Variants in CAMKK1 observed in about 807,000 individuals in gnomAD.
The protein encoded by CAMKK1 is calcium/calmodulin-dependent protein kinase kinase 1.
CAMKK1 carries 20 observed loss-of-function variants against 63.5 expected under a neutral mutation model. The observed-to-expected ratio is 0.32, with a 90% confidence interval of 0.22 to 0.46. The LOEUF is 0.46. Ranked by LOEUF, CAMKK1 falls within the 20% of genes least tolerant of loss-of-function variation. CAMKK1 has a pLI of 1.00. For missense variants in CAMKK1, 588 were observed against 658.1 expected (o/e 0.89, Z 1.17); for synonymous variants, 253 against 269.0 (o/e 0.94, Z 0.58).
rs111549157 is a variant in CAMKK1 at position 3,889,731 on chromosome 17, T to C, written c.-44+3208A>G. 0.013 allele frequency among the ~76,000 whole-genome samples: 2,032 copies of C among 152,148 alleles called. 42 individuals carry two copies. The highest frequency in any genetic ancestry group is 0.046 in the African/African-American group (1,927 of 41,482). On this transcript the variant is annotated intron_variant, in intron 1 of 15. Transcript: ENST00000348335. This position sits in a 1 kb window ranked among gnomAD's most constrained non-coding sequence, Gnocchi z 5.2. ...TGGCACATATCCCCCACCCAGGTTT[T>C]TCCTCCCAGGCTGTGCCCCACCCCC...
In CAMKK1 at chr17:3,889,837, C is replaced by A. The variant is rs1010310214; in HGVS notation, c.-44+3102G>T. Among the ~76,000 whole-genome samples the A allele has an allele frequency of 1.3e-5, 2 of 152,342 alleles. No individual in the cohort carries two copies. Among genetic ancestry groups the A allele is most frequent in the African/African-American group, 4.8e-5 (2 of 41,570 alleles). ...GCCTGGCTTCTTCCACAGGACATGCCCCATCCAGCTGCATCCCTCAAAGGA... is the reference window on the plus strand; with the variant it reads ...GCCTGGCTTCTTCCACAGGACATGCACCATCCAGCTGCATCCCTCAAAGGA... On this transcript the variant is annotated intron_variant, in intron 1 of 15. Coordinates refer to ENST00000348335, the MANE Select transcript of CAMKK1 (RefSeq NM_032294.3). This position sits in a 1 kb window ranked among gnomAD's most constrained non-coding sequence, Gnocchi z 5.2.
intron 14 of CAMKK1, among the ~76,000 whole-genome samples, chr17:3,867,151 G>A (rs2054561215): frequency 1.3e-5 from 2 of 152,302 alleles, no homozygotes; most frequent in South Asian, 4.1e-4. Flanking sequence ...TGAAGCAGGG[G>A]AGGCTGAAGC....
Position 3,860,909 on chromosome 17 carries a change from C to T in CAMKK1, c.*1302G>A, listed in dbSNP as rs570348539. 1 of 152,382 alleles carries T rather than the reference C, an allele frequency of 6.6e-6. No homozygotes were observed. Among genetic ancestry groups the T allele is most frequent in the African/African-American group, 2.4e-5 (1 of 41,560 alleles). The allele number at this position is 152,382 out of a possible 1,614,324, so 9.4% of individuals were successfully genotyped here. On this transcript the variant is annotated 3_prime_UTR_variant, in exon 16 of 16. Coordinates refer to ENST00000348335, the MANE Select transcript of CAMKK1 (RefSeq NM_032294.3). ...TCCAACAGGACACCCACACCTGTGGCCAAAAGCCCTTGTCCATCCATGTTT... is the reference window on the plus strand; with the variant it reads ...TCCAACAGGACACCCACACCTGTGGTCAAAAGCCCTTGTCCATCCATGTTT...
chr17:3,871,110 A>C (rs148039706), intron 12 of CAMKK1, among the ~76,000 whole-genome samples: 1 of 152,168 alleles, frequency 6.6e-6, no homozygotes, highest in African/African-American at 2.4e-5. Context: ...GCTGGACTGG[A>C]GGGAGGCCAG....
At position 3,882,685 on chromosome 17, in the gene CAMKK1, G is replaced by A. The variant is rs1409426246; in HGVS notation, c.649-121C>T. On this transcript the variant is annotated intron_variant, in intron 6 of 15. Transcript: ENST00000348335. This position sits in a 1 kb window ranked among gnomAD's most constrained non-coding sequence, Gnocchi z 4.3. ...TATGCATGCAACCACCCCAGACAAG[G>A]AAGCAGGAAGTGTACAGGTGGTGCC... 1.0e-6 allele frequency: 1 copy of A among 957,278 alleles called. No individual in the cohort carries two copies. Among genetic ancestry groups the A allele is most frequent in the East Asian group, 2.6e-5 (1 of 38,270 alleles). 59.3% of individuals were successfully genotyped at this position (957,278 alleles called of 1,614,324 possible). A position where few individuals can be genotyped will look rare whatever the true frequency, so the allele number is the denominator to read the frequency against.
At chr17:3,864,557 A>G (rs2054442737) in intron 15 of CAMKK1, among the ~76,000 whole-genome samples, 1 of 152,186 alleles carries the variant, frequency 6.6e-6, no homozygotes, top group Admixed American at 6.5e-5. Flanking sequence ...TGCTGGCATA[A>G]TTATTAATGG....
At position 3,880,517 on chromosome 17, in the gene CAMKK1, C is replaced by G. The variant is rs111961237; in HGVS notation, c.708-83G>C. The G allele has an allele frequency of 8.0e-5, 84 of 1,045,110 alleles. No individual in the cohort carries two copies. The African/African-American group carries it at 1.1e-3, about 14-fold the overall frequency. 64.7% of individuals were successfully genotyped at this position (1,045,110 alleles called of 1,614,324 possible). ...AGGTGGTCGGGACGTCCCGGGAAAC[C>G]TGTGCCCACATGAGTCCCTACAACT... On this transcript the variant is annotated intron_variant, in intron 8 of 15. Coordinates refer to ENST00000348335, the MANE Select transcript of CAMKK1 (RefSeq NM_032294.3).
Position 3,890,495 on chromosome 17 carries a change from C to T in CAMKK1, c.-44+2444G>A, listed in dbSNP as rs746860515. 2.0e-5 allele frequency among the ~76,000 whole-genome samples: 3 copies of T among 152,158 alleles called. No individual in the cohort carries two copies. The highest frequency in any genetic ancestry group is 2.9e-5 in the Non-Finnish European group (2 of 68,020). On this transcript the variant is annotated intron_variant, in intron 1 of 15. Transcript: ENST00000348335. This position sits in a 1 kb window ranked among gnomAD's most constrained non-coding sequence, Gnocchi z 6.5. ...GCTGCCACCTCCCCGTCCATGTTCC[C>T]GAGCAGCTCAGATCCAACAGGCCCC...
At chr17:3,873,672 G>C (rs1350923458) in intron 10 of CAMKK1, among the ~76,000 whole-genome samples, 2 of 152,148 alleles carry the variant, frequency 1.3e-5, no homozygotes, top group East Asian at 3.9e-4. Flanking sequence ...CCACCCTCCA[G>C]GGGTTCTGGA....
In CAMKK1 at chr17:3,884,072, CA is replaced by C. The variant is rs2055536721; in HGVS notation, c.409-136del. On this transcript the variant is annotated intron_variant, in intron 3 of 15. Coordinates refer to ENST00000348335, the MANE Select transcript of CAMKK1 (RefSeq NM_032294.3). This position sits in a 1 kb window ranked among gnomAD's most constrained non-coding sequence, Gnocchi z 4.5. ...TACCCACCACCAGCTGGCTCACGGG[CA>C]AATATTGTAGCAGATGGGGAGGGGA... 2 of 886,812 alleles carry C rather than the reference CA, an allele frequency of 2.3e-6. No homozygotes were observed. The highest frequency in any genetic ancestry group is 3.6e-6 in the Non-Finnish European group (2 of 554,644). The allele number at this position is 886,812 out of a possible 1,614,324, so 54.9% of individuals were successfully genotyped here.
intron 8 of CAMKK1, 139 bp downstream of exon 8, chr17:3,881,488 C>G: frequency 1.4e-6 from 1 of 732,282 alleles, no homozygotes; most frequent in Middle Eastern, 3.3e-4. Flanking sequence ...TCCTCTTGGT[C>G]TCTTATTTAC....
At chr17:3,867,115 TAAAAC>T (rs1451525813) in intron 14 of CAMKK1, among the ~76,000 whole-genome samples, 1 of 151,660 alleles carries the variant, frequency 6.6e-6, no homozygotes, top group Non-Finnish European at 1.5e-5. Flanking sequence ...AAGGAAAAAA[TAAAAC>T]AAGGGAATGG....
At chr17:3,876,534 C>A in intron 9 of CAMKK1, 112 bp from the exon 10 acceptor site, 1 of 904,046 alleles carries the variant, frequency 1.1e-6, no homozygotes. Context: ...AGCCCATGCA[C>A]ACTTTCGTCT....
In CAMKK1 at chr17:3,889,412, G is replaced by A. The variant is rs1030848739; in HGVS notation, c.-44+3527C>T. Among the ~76,000 whole-genome samples the A allele has an allele frequency of 3.9e-5, 6 of 152,096 alleles. No homozygotes were observed. The highest frequency in any genetic ancestry group is 8.8e-5 in the Non-Finnish European group (6 of 68,006). On this transcript the variant is annotated intron_variant, in intron 1 of 15. Transcript: ENST00000348335. The surrounding 1 kb of genome is among the most constrained non-coding windows in gnomAD (Gnocchi z 5.2). ...TGCGGCCGTGAACAGCCAGACTCAA[G>A]CCCTCCCTCATTGGGAAAAACTACT...
In CAMKK1 at chr17:3,861,497, C is replaced by T. The variant is rs868588968; in HGVS notation, c.*714G>A. On this transcript the variant is annotated 3_prime_UTR_variant, in exon 16 of 16. Coordinates refer to ENST00000348335, the MANE Select transcript of CAMKK1 (RefSeq NM_032294.3). ...TCCAGATAACGCCGAATGCGAAACA[C>T]AGTCCAGGAAAGTTAGTTCCATCCA... 5.2e-5 allele frequency: 8 copies of T among 152,586 alleles called. No homozygotes were observed. Among genetic ancestry groups the T allele is most frequent in the African/African-American group, 1.7e-4 (7 of 41,582 alleles). 9.5% of individuals were successfully genotyped at this position (152,586 alleles called of 1,614,324 possible). A position where few individuals can be genotyped will look rare whatever the true frequency, so the allele number is the denominator to read the frequency against.
chr17:3,872,759 A>C, intron 11 of CAMKK1, 132 bp from the exon 12 acceptor site: 8 of 684,420 alleles, frequency 1.2e-5, no homozygotes, highest in Non-Finnish European at 1.9e-5. Flanking sequence ...GAAGGACCTC[A>C]ACTCACACTG....
intron 9 of CAMKK1, among the ~76,000 whole-genome samples, chr17:3,877,010 G>A (rs2055195674): frequency 1.3e-5 from 2 of 151,982 alleles, no homozygotes; most frequent in Admixed American, 6.6e-5. Context: ...CACCCACCTT[G>A]GCCTCCCAAA....
At position 3,883,607 on chromosome 17, in the gene CAMKK1, A is replaced by G; in HGVS notation, c.463-127T>C. The G allele has an allele frequency of 1.1e-6, 1 of 878,114 alleles. No homozygotes were observed. The highest frequency in any genetic ancestry group is 1.9e-6 in the Non-Finnish European group (1 of 518,302). The allele number at this position is 878,114 out of a possible 1,614,324, so 54.4% of individuals were successfully genotyped here. A position where few individuals can be genotyped will look rare whatever the true frequency, so the allele number is the denominator to read the frequency against. On this transcript the variant is annotated intron_variant, in intron 4 of 15. Coordinates refer to ENST00000348335, the MANE Select transcript of CAMKK1 (RefSeq NM_032294.3). The surrounding 1 kb of genome is among the most constrained non-coding windows in gnomAD (Gnocchi z 4.7). The stretch of plus-strand genomic sequence containing the variant: ...GCTACTGGCCCTGAGGGTGTGGCCC[A>G]GGTAAGTGTTAAGCGGGGTTGGGGG...
chr17:3,866,116 G>T, intron 14 of CAMKK1, 105 bp from the exon 15 acceptor site: 1 of 1,317,528 alleles, frequency 7.6e-7, no homozygotes. Flanking sequence ...CGCAGTGCGG[G>T]TCCCATCTCA....
Sources: gnomAD v4.1 joint callset for allele counts (sites outside exome capture counted in the v4.1 genomes callset) on GRCh38, gnomAD v4.1.1 for gene constraint, Gnocchi (gnomAD v3.1) non-coding constraint, MANE v1.5 for transcripts, NCBI Gene and HGNC (gene_info 2026-07-23, HGNC 2026-07-21) for gene names.